The following TMEM178B variants were observed in gnomAD, a reference collection of about 807,000 sequenced individuals.
TMEM178B encodes transmembrane protein 178B.
TMEM178B carries 5 observed loss-of-function variants against 31.0 expected under a neutral mutation model. The observed-to-expected ratio is 0.16, with a 90% confidence interval of 0.08 to 0.34. The LOEUF (loss-of-function observed/expected upper bound fraction) is 0.34, where lower values mean the gene tolerates loss of function less well. TMEM178B is among the 10% of genes least tolerant of loss of function. The pLI is 1.00. For synonymous variants in TMEM178B, 164 were observed against 164.0 expected (o/e 1.00, Z 0.00); for missense variants, 275 against 400.3 (o/e 0.69, Z 2.67).
At chr7:141,097,106 T>C (rs1256114488) in intron 1 of TMEM178B, among the ~76,000 whole-genome samples, 1 of 151,328 alleles carries the variant, frequency 6.6e-6, no homozygotes, top group African/African-American at 2.4e-5. Flanking sequence ...AAAAAAAAAT[T>C]CTTAGCGAAG....
At chr7:141,100,301 C>T (rs867101829) in intron 1 of TMEM178B, among the ~76,000 whole-genome samples, 40 of 151,758 alleles carry the variant, frequency 2.6e-4, no homozygotes, top group African/African-American at 8.5e-4. Context: ...TTACTGGATA[C>T]GTCCATCTTT....
the TMEM178B span, among the ~76,000 whole-genome samples, chr7:141,497,878 A>G: frequency 1.3e-5 from 2 of 152,182 alleles, no homozygotes; most frequent in East Asian, 1.9e-4. Context: ...AGCAACTACA[A>G]CTCATGGACA....
intron 1 of TMEM178B, among the ~76,000 whole-genome samples, chr7:141,170,900 C>T (rs1394075356): frequency 1.3e-5 from 2 of 152,158 alleles, no homozygotes; most frequent in Non-Finnish European, 2.9e-5. Context: ...CTGCAAGGCA[C>T]AGTCGGCATT....
rs146834376 is a variant in TMEM178B, at chr7:141,399,264, T to G, written c.497-38344T>G. ...AGTGCTTTTCTCCTTATACCTGGAC[T>G]TTGGCTGCAGCTGTCTGACTGGATT... On this transcript the variant is annotated intron_variant, in intron 2 of 3. Coordinates refer to ENST00000565468, the MANE Select transcript of TMEM178B (RefSeq NM_001195278.2). 3.2e-3 allele frequency among the ~76,000 whole-genome samples: 488 copies of G among 152,328 alleles called. 6 individuals are homozygous for G. Among genetic ancestry groups the G allele is most frequent in the African/African-American group, 0.011 (457 of 41,576 alleles).
intron 2 of TMEM178B, among the ~76,000 whole-genome samples, chr7:141,337,147 C>T: frequency 4.0e-5 from 1 of 24,810 alleles, no homozygotes; most frequent in Non-Finnish European, 7.0e-5. Context: ...CCACCATCAT[C>T]ACCACCACCA....
chr7:141,483,808 T>G (rs1802517174), downstream of TMEM178B, among the ~76,000 whole-genome samples: 1 of 151,334 alleles, frequency 6.6e-6, no homozygotes, highest in African/African-American at 2.4e-5. Flanking sequence ...CGATCTCAGC[T>G]CACTGCAAGC....
intron 2 of TMEM178B, among the ~76,000 whole-genome samples, chr7:141,321,362 C>A (rs1468060388): frequency 6.6e-6 from 1 of 152,230 alleles, no homozygotes; most frequent in African/African-American, 2.4e-5. Context: ...AACGTGTCAA[C>A]ACCTGTGTGC....
chr7:141,279,037 C>T (rs918847351), intron 2 of TMEM178B, among the ~76,000 whole-genome samples: 4 of 152,112 alleles, frequency 2.6e-5, no homozygotes, highest in African/African-American at 9.7e-5. Context: ...ATTATGTAAC[C>T]TCAAAATGTC....
At chr7:141,435,255 C>A (rs531426600) in intron 2 of TMEM178B, among the ~76,000 whole-genome samples, 1 of 152,374 alleles carries the variant, frequency 6.6e-6, no homozygotes, top group African/African-American at 2.4e-5. Flanking sequence ...GGATTAAATA[C>A]TTAAACGCAA....
chr7:141,089,880 G>A (rs557661220), intron 1 of TMEM178B, among the ~76,000 whole-genome samples: 7 of 151,972 alleles, frequency 4.6e-5, no homozygotes, highest in Admixed American at 4.6e-4. Context: ...GGAGGGGGAG[G>A]GATAGCATTA....
intron 2 of TMEM178B, among the ~76,000 whole-genome samples, chr7:141,282,113 G>T (rs143564935): frequency 2.7e-4 from 41 of 152,278 alleles, no homozygotes; most frequent in African/African-American, 9.9e-4. Context: ...ATGAAAAACT[G>T]GTCGAAAGAA....
At chr7:141,115,580 A>G (rs1795305783) in intron 1 of TMEM178B, among the ~76,000 whole-genome samples, 1 of 152,200 alleles carries the variant, frequency 6.6e-6, no homozygotes, top group African/African-American at 2.4e-5. Context: ...CTTAGAGGCT[A>G]TTGGATGGAG....
intron 1 of TMEM178B, among the ~76,000 whole-genome samples, chr7:141,188,650 A>T (rs182446946): frequency 6.6e-6 from 1 of 152,340 alleles, no homozygotes; most frequent in Admixed American, 6.5e-5. Flanking sequence ...AGGAGATAAA[A>T]CAGAAATAAG....
the TMEM178B span, among the ~76,000 whole-genome samples, chr7:141,507,295 G>A: frequency 4.6e-5 from 7 of 152,210 alleles, no homozygotes; most frequent in Non-Finnish European, 1.0e-4. Context: ...TTCTCTATGA[G>A]GGCTCTGCCC....
chr7:141,462,175 G>C (rs773269626), intron 3 of TMEM178B, among the ~76,000 whole-genome samples: 55 of 152,256 alleles, frequency 3.6e-4, no homozygotes, highest in Non-Finnish European at 6.5e-4. Context: ...GGACTTTCTA[G>C]TTTTAGGGCT....
intron 1 of TMEM178B, among the ~76,000 whole-genome samples, chr7:141,076,829 C>T (rs1179922927): frequency 6.6e-6 from 1 of 152,136 alleles, no homozygotes; most frequent in African/African-American, 2.4e-5. Context: ...TCCCCATCGC[C>T]CAAAATACAG....
chr7:141,276,940 G>A (rs1329250406), intron 2 of TMEM178B, among the ~76,000 whole-genome samples: 3 of 152,146 alleles, frequency 2.0e-5, no homozygotes, highest in Admixed American at 1.3e-4. Flanking sequence ...AAAACATGGT[G>A]TAAAAGATAA....
Position 141,346,201 on chromosome 7 carries a change from A to G in TMEM178B, c.497-91407A>G, listed in dbSNP as rs139110822. On this transcript the variant is annotated intron_variant, in intron 2 of 3. Transcript: ENST00000565468. ...ATGCCACTGCCCTCCAGCCTGGGCA[A>G]CAGAGCGACTCCATCTCAAGAACAA... Among the ~76,000 whole-genome samples, 389 of 152,246 alleles carry G rather than the reference A, an allele frequency of 2.6e-3. 3 individuals carry two copies. Among genetic ancestry groups the G allele is most frequent in the African/African-American group, 8.5e-3 (353 of 41,566 alleles).
chr7:141,457,390 A>G (rs1431772012), intron 3 of TMEM178B, among the ~76,000 whole-genome samples: 2 of 152,210 alleles, frequency 1.3e-5, no homozygotes, highest in Non-Finnish European at 2.9e-5. Context: ...CCATAGGCAT[A>G]TATATGTATG....
Sources: allele counts gnomAD v4.1 joint callset (sites outside exome capture counted in the v4.1 genomes callset), GRCh38; gene constraint gnomAD v4.1.1; transcripts MANE v1.5; gene names NCBI Gene and HGNC (gene_info 2026-07-23, HGNC 2026-07-21).